Variants in GLI2 observed in about 807,000 individuals in gnomAD.
GLI2 encodes GLI family zinc finger 2, also known as transcription activator GLI2.
In GLI2, 22 loss-of-function variants were observed where a neutral mutation model predicts 78.9. The observed-to-expected ratio is 0.28, with a 90% confidence interval of 0.20 to 0.40. The LOEUF (loss-of-function observed/expected upper bound fraction) is 0.40. GLI2 is among the 10% of genes least tolerant of loss of function. The probability of loss-of-function intolerance (pLI) is 1.00; values close to 1 mark genes in which losing one functional copy is unlikely to be tolerated. For missense variants in GLI2, 2,097 were observed against 2,213.2 expected, an observed-to-expected ratio of 0.95 and a Z score of 1.05; for synonymous variants, 974 against 963.7, an observed-to-expected ratio of 1.01 and a Z score of -0.20.
At chr2:120,783,346 C>T (rs1683901552) in intron 1 of GLI2, among the ~76,000 whole-genome samples, 1 of 152,086 alleles carries the variant, frequency 6.6e-6, no homozygotes, top group Admixed American at 6.5e-5. Flanking sequence ...GCCAAGGAAC[C>T]CAGAGCCAAG....
intron 2 of GLI2, among the ~76,000 whole-genome samples, chr2:120,859,806 G>T (rs568362611): frequency 7.3e-5 from 11 of 151,260 alleles, no homozygotes; most frequent in Non-Finnish European, 1.5e-4. Flanking sequence ...ACCCAGGCTG[G>T]AGCGCAATGG....
intron 2 of GLI2, among the ~76,000 whole-genome samples, chr2:120,916,571 G>A (rs970281267): frequency 6.6e-6 from 1 of 152,270 alleles, no homozygotes; most frequent in Non-Finnish European, 1.5e-5. Context: ...TCCAGCTGTG[G>A]CAGTGGCTTA....
At chr2:120,762,581 C>T (rs1306865110) in intron 1 of GLI2, among the ~76,000 whole-genome samples, 1 of 152,192 alleles carries the variant, frequency 6.6e-6, no homozygotes, top group Non-Finnish European at 1.5e-5. Flanking sequence ...AGCCCTGTCT[C>T]ATCTGCAACA....
chr2:120,951,295 C>CT lies in GLI2; in HGVS notation c.310dup (p.Ser104PhefsTer49). ...CATCTCTGACATCTCCTTGATCCGG[C>CT]TTTCCCCGCACCCGGCTGGCCCTGG... is the stretch of plus-strand genomic sequence containing the variant. On this transcript the variant is annotated frameshift_variant, in exon 4 of 14. Transcript: ENST00000361492. LOFTEE classifies it high-confidence loss of function. 1 of 1,612,310 alleles carries CT rather than the reference C, an allele frequency of 6.2e-7. No homozygotes were observed. The highest frequency in any genetic ancestry group is 8.5e-7 in the Non-Finnish European group (1 of 1,178,490).
chr2:120,817,572 T>C (rs1685559329), intron 2 of GLI2, among the ~76,000 whole-genome samples: 1 of 152,180 alleles, frequency 6.6e-6, no homozygotes, highest in Admixed American at 6.5e-5. Flanking sequence ...CTGCCCCTTT[T>C]CCCTCAGGTG....
chr2:120,887,582 C>G (rs1042168652), intron 2 of GLI2, among the ~76,000 whole-genome samples: 1 of 152,250 alleles, frequency 6.6e-6, no homozygotes, highest in African/African-American at 2.4e-5. Context: ...ACACACAAAT[C>G]ATGATGGGGC....
At chr2:120,859,734 C>T (rs559563104) in intron 2 of GLI2, among the ~76,000 whole-genome samples, 6 of 151,372 alleles carry the variant, frequency 4.0e-5, no homozygotes, top group East Asian at 1.9e-4. Flanking sequence ...GGATTACAGG[C>T]GTGAGCCATC....
At chr2:120,953,995 C>A (rs1033667650) in intron 4 of GLI2, among the ~76,000 whole-genome samples, 1 of 152,178 alleles carries the variant, frequency 6.6e-6, no homozygotes, top group Non-Finnish European at 1.5e-5. Context: ...TACCCGCTTA[C>A]AGCCCCACGA....
At chr2:120,769,933 C>A (rs1157021122) in intron 1 of GLI2, among the ~76,000 whole-genome samples, 3 of 152,194 alleles carry the variant, frequency 2.0e-5, no homozygotes, top group East Asian at 1.9e-4. Flanking sequence ...GGCAGCATGA[C>A]TGGATGGGTC....
At chr2:120,944,725 C>T in intron 3 of GLI2, among the ~76,000 whole-genome samples, 1 of 152,260 alleles carries the variant, frequency 6.6e-6, no homozygotes, top group Non-Finnish European at 1.5e-5. Context: ...CGGCCACCTC[C>T]AGCTCTGCAA....
Position 120,968,698 on chromosome 2 carries a change from G to C in GLI2, c.644-16G>C. ...CCCCAGTGATGCTGACCTGTCTTGTGTTGACTATCCCACAGTGTCCCGTTT... is the reference window on the plus strand; with the variant it reads ...CCCCAGTGATGCTGACCTGTCTTGTCTTGACTATCCCACAGTGTCCCGTTT... On this transcript the variant is annotated splice_polypyrimidine_tract_variant and intron_variant, in intron 5 of 13. Coordinates refer to ENST00000361492, the MANE Select transcript of GLI2 (RefSeq NM_001374353.1). The C allele has an allele frequency of 2.5e-6, 4 of 1,598,662 alleles. No homozygotes were observed. The highest frequency in any genetic ancestry group is 3.4e-6 in the Non-Finnish European group (4 of 1,166,620).
chr2:120,824,010 A>G (rs1303300837), intron 2 of GLI2, among the ~76,000 whole-genome samples: 2 of 152,236 alleles, frequency 1.3e-5, no homozygotes, highest in East Asian at 1.9e-4. Context: ...ATGGAATTCT[A>G]TGGTGAATTA....
At position 120,800,278 on chromosome 2, in the gene GLI2, G is replaced by A. The variant is rs1410658112; in HGVS notation, c.148+2810G>A. Reference sequence around the variant, plus strand: ...TTCTCGAGTTGTTTCTGGCAAAGACGAATCATCTTGGTCTGGGCGACTGCT... The same window carrying A: ...TTCTCGAGTTGTTTCTGGCAAAGACAAATCATCTTGGTCTGGGCGACTGCT... On this transcript the variant is annotated intron_variant, in intron 2 of 13. Coordinates refer to ENST00000361492, the MANE Select transcript of GLI2 (RefSeq NM_001374353.1). This position sits in a 1 kb window ranked among gnomAD's most constrained non-coding sequence, Gnocchi z 4.1. Among the ~76,000 whole-genome samples, 2 of 152,128 alleles carry A rather than the reference G, an allele frequency of 1.3e-5. No homozygotes were observed. The highest frequency in any genetic ancestry group is 2.1e-4 in the South Asian group (1 of 4,818).
chr2:120,740,866 G>A (rs1682513684), intron 1 of GLI2, among the ~76,000 whole-genome samples: 1 of 152,202 alleles, frequency 6.6e-6, no homozygotes, highest in South Asian at 2.1e-4. Context: ...GGCAGCTAGA[G>A]GGAGGAGGGA....
chr2:120,937,290 T>A (rs1680244071), intron 3 of GLI2, among the ~76,000 whole-genome samples: 1 of 152,194 alleles, frequency 6.6e-6, no homozygotes, highest in Non-Finnish European at 1.5e-5. Flanking sequence ...AGTCCAATTT[T>A]GTGACATGCA....
intron 10 of GLI2, among the ~76,000 whole-genome samples, chr2:120,978,913 G>A (rs1682588877): frequency 6.6e-6 from 1 of 152,234 alleles, no homozygotes; most frequent in Admixed American, 6.5e-5. Context: ...TGGGAAGAGG[G>A]ACAGCTCCAT....
chr2:120,917,906 G>A (rs1039824701), intron 2 of GLI2, among the ~76,000 whole-genome samples: 5 of 152,216 alleles, frequency 3.3e-5, no homozygotes, highest in Non-Finnish European at 4.4e-5. Context: ...AGAATGGTGG[G>A]AACCACCAGA....
chr2:120,973,075 C>T (rs1003409796), intron 8 of GLI2, among the ~76,000 whole-genome samples: 2 of 152,136 alleles, frequency 1.3e-5, no homozygotes, highest in African/African-American at 2.4e-5. Flanking sequence ...CTGCATCTGC[C>T]GAGCATCCTT....
rs755452359 is a variant in GLI2, at chr2:120,989,278, C to T, written c.3313C>T (p.Pro1105Ser). 3 of 1,613,144 alleles carry T rather than the reference C, an allele frequency of 1.9e-6. No individual in the cohort carries two copies. Among genetic ancestry groups the T allele is most frequent in the Admixed American group, 1.7e-5 (1 of 60,036 alleles). The change falls in exon 14 of 14, where the codon CCT (proline) becomes TCT (serine). Residue 1105 changes from proline (P) to serine (S), a missense_variant. This residue lies in a region of GLI2 where 1,290 missense variants were observed against 1,261.7 expected (regional missense o/e 1.02). Transcript: ENST00000361492. ...AADSNVGPSA[P>S]MLGGCQLGFG... is the part of the protein sequence containing the mutation. ...GGACTCCAACGTGGGCCCCTCCGCCCCTATGCTGGGAGGATGCCAGTTAGG... is the reference window on the plus strand; with the variant it reads ...GGACTCCAACGTGGGCCCCTCCGCCTCTATGCTGGGAGGATGCCAGTTAGG...
Sources: gnomAD v4.1 joint callset for allele counts (sites outside exome capture counted in the v4.1 genomes callset) on GRCh38, gnomAD v4.1.1 for gene constraint, gnomAD v4.1.1 regional missense constraint, Gnocchi (gnomAD v3.1) non-coding constraint, MANE v1.5 for transcripts, NCBI Gene and HGNC (gene_info 2026-07-23, HGNC 2026-07-21) for gene names.